TRERF1: variants seen among roughly 807,000 people sequenced by gnomAD.
TRERF1 encodes the protein transcriptional regulating factor 1.
Under a neutral mutation model 122.9 loss-of-function variants are expected in TRERF1, and 27 were observed. The observed-to-expected ratio is 0.22, with a 90% CI of 0.16 to 0.30. The LOEUF (loss-of-function observed/expected upper bound fraction) is 0.30, where lower values mean the gene tolerates loss of function less well. TRERF1 is among the 10% of genes least tolerant of loss of function. The probability of loss-of-function intolerance (pLI) is 1.00; values close to 1 mark genes in which losing one functional copy is unlikely to be tolerated. For missense variants in TRERF1, 1,248 were observed against 1,560.3 expected (o/e 0.80, Z 3.37); for synonymous variants, 636 against 641.7 (o/e 0.99, Z 0.13).
rs555273345 is a variant in TRERF1, at chr6:42,376,804, G to A, written c.-453-13725C>T. On this transcript the variant is annotated intron_variant, in intron 2 of 17. Coordinates refer to ENST00000372922, the Ensembl canonical transcript of TRERF1. ...GATTTGCCCACCTCAGCCTCCCAAAGTGCTGGGATTACAGGCGTGAGCCAC... is the reference window on the plus strand; with the variant it reads ...GATTTGCCCACCTCAGCCTCCCAAAATGCTGGGATTACAGGCGTGAGCCAC... Among the ~76,000 whole-genome samples, 5 of 151,752 alleles carry A rather than the reference G, an allele frequency of 3.3e-5. No homozygotes were observed. The South Asian group carries it at 1.0e-3, about 32-fold the overall frequency.
intron 2 of TRERF1, among the ~76,000 whole-genome samples, chr6:42,366,463 C>T (rs1257443026): frequency 6.6e-6 from 1 of 152,164 alleles, no homozygotes; most frequent in East Asian, 1.9e-4. Flanking sequence ...CAGAGTCCGG[C>T]ACCTCCTAAC....
rs893001790 is a variant in TRERF1 at position 42,269,930 on chromosome 6, A to T, written c.-258-82T>A. The T allele has an allele frequency of 3.9e-6, 1 of 256,110 alleles. No individual in the cohort carries two copies. The highest frequency in any genetic ancestry group is 2.2e-5 in the African/African-American group (1 of 44,770). 15.9% of individuals were successfully genotyped at this position (256,110 alleles called of 1,614,324 possible). ...CAATTGATATCCACCATGACCAGTG[A>T]TAAAAATAAACATATAATCCCAGCT... On this transcript the variant is annotated intron_variant, in intron 4 of 17. Coordinates refer to ENST00000372922, the Ensembl canonical transcript of TRERF1. The surrounding 1 kb of genome is among the most constrained non-coding windows in gnomAD (Gnocchi z 4.9).
chr6:42,319,146 A>G (rs1762976665), intron 3 of TRERF1, among the ~76,000 whole-genome samples: 1 of 121,070 alleles, frequency 8.3e-6, no homozygotes, highest in South Asian at 2.8e-4. Context: ...GGGACTTTTT[A>G]GACATTTTTT....
At chr6:42,356,467 T>C (rs1770572483) in intron 3 of TRERF1, among the ~76,000 whole-genome samples, 1 of 152,258 alleles carries the variant, frequency 6.6e-6, no homozygotes, top group Non-Finnish European at 1.5e-5. Context: ...CACAGCAAGA[T>C]GGCTCTCACT....
chr6:42,441,753 G>GC lies in TRERF1; in HGVS notation c.-454+9423_-454+9424insG, dbSNP rs1443315257. ...GTGTCAGGCTCTGTGCTAGAGGCCG[G>GC]GGGGTACAGAAATGAGTGATGACCC... On this transcript the variant is annotated intron_variant, in intron 2 of 17. Transcript: ENST00000372922. Among the ~76,000 whole-genome samples the GC allele has an allele frequency of 2.0e-5, 3 of 152,172 alleles. No homozygotes were observed. In the East Asian group the frequency reaches 5.8e-4, roughly 29 times the overall value.
chr6:42,434,026 CTG>C (rs1784881407), intron 2 of TRERF1, among the ~76,000 whole-genome samples: 1 of 151,910 alleles, frequency 6.6e-6, no homozygotes, highest in Non-Finnish European at 1.5e-5. Context: ...GACCCTGTCT[CTG>C]TTTTTCAAAA....
chr6:42,399,835 G>C (rs1351685628), intron 2 of TRERF1, among the ~76,000 whole-genome samples: 1 of 152,130 alleles, frequency 6.6e-6, no homozygotes, highest in African/African-American at 2.4e-5. Flanking sequence ...CTCTACCCTA[G>C]TTTCTCATTC....
intron 3 of TRERF1, among the ~76,000 whole-genome samples, chr6:42,326,985 T>A (rs1043513965): frequency 1.3e-5 from 2 of 152,132 alleles, no homozygotes; most frequent in African/African-American, 2.4e-5. Flanking sequence ...AGAAGCATAG[T>A]ATCTCTTCTA....
At chr6:42,410,889 T>C (rs1781010508) in intron 2 of TRERF1, among the ~76,000 whole-genome samples, 1 of 152,234 alleles carries the variant, frequency 6.6e-6, no homozygotes, top group Non-Finnish European at 1.5e-5. Flanking sequence ...AATTTCCTTC[T>C]TGAAATGAGC....
At chr6:42,373,312 C>T (rs954844288) in intron 2 of TRERF1, among the ~76,000 whole-genome samples, 19 of 152,218 alleles carry the variant, frequency 1.2e-4, no homozygotes, top group African/African-American at 4.6e-4. Context: ...GTGGGTGGAT[C>T]ACCTGAGGTG....
intron 3 of TRERF1, among the ~76,000 whole-genome samples, chr6:42,361,124 C>T (rs1193489056): frequency 1.3e-5 from 2 of 152,184 alleles, no homozygotes; most frequent in Admixed American, 1.3e-4. Flanking sequence ...GTGAAGCCCT[C>T]ATGAACAGGG....
At chr6:42,278,220 CT>C (rs1436622828) in intron 4 of TRERF1, among the ~76,000 whole-genome samples, 1 of 152,194 alleles carries the variant, frequency 6.6e-6, no homozygotes, top group East Asian at 1.9e-4. Flanking sequence ...GATCTGACGA[CT>C]GTTTAGGGGG....
At chr6:42,432,981 C>T (rs1056250509) in intron 2 of TRERF1, among the ~76,000 whole-genome samples, 6 of 152,048 alleles carry the variant, frequency 3.9e-5, no homozygotes, top group African/African-American at 1.5e-4. Flanking sequence ...TTAAACTAGT[C>T]CTCTGGTACA....
chr6:42,294,521 G>T (rs532234923), intron 4 of TRERF1, among the ~76,000 whole-genome samples: 1 of 152,206 alleles, frequency 6.6e-6, no homozygotes, highest in South Asian at 2.1e-4. Context: ...GGCTATGACT[G>T]GTATAATAAT....
intron 15 of TRERF1, among the ~76,000 whole-genome samples, chr6:42,242,593 C>T (rs1157213126): frequency 6.6e-6 from 1 of 152,190 alleles, no homozygotes; most frequent in Admixed American, 6.5e-5. Context: ...TGATAGTAAT[C>T]ATCAAAGCCA....
intron 3 of TRERF1, among the ~76,000 whole-genome samples, chr6:42,319,792 G>A (rs1329390812): frequency 1.4e-5 from 2 of 138,004 alleles, no homozygotes; most frequent in Non-Finnish European, 1.5e-5. Flanking sequence ...CAGCCTGGGT[G>A]ACAGAGTGAG....
intron 2 of TRERF1, among the ~76,000 whole-genome samples, chr6:42,438,609 CAA>C (rs199739271): frequency 1.9e-5 from 2 of 106,130 alleles, no homozygotes; most frequent in Admixed American, 1.0e-4. Context: ...GACTCTGTCT[CAA>C]AAAAAAAAAA....
At chr6:42,363,213 C>T (rs959874856) in intron 2 of TRERF1, 134 bp from the exon 3 acceptor site, 7 of 152,240 alleles carry the variant, frequency 4.6e-5, no homozygotes, top group Admixed American at 4.6e-4. Flanking sequence ...TGGGCCCACC[C>T]AGGACGAGGA....
intron 2 of TRERF1, among the ~76,000 whole-genome samples, chr6:42,364,895 C>A (rs572650349): frequency 2.0e-5 from 3 of 152,244 alleles, no homozygotes; most frequent in African/African-American, 7.2e-5. Flanking sequence ...CGTGAGGTCC[C>A]AGGGGCCGCA....
Sources: gnomAD v4.1 joint callset for allele counts (sites outside exome capture counted in the v4.1 genomes callset) on GRCh38, gnomAD v4.1.1 for gene constraint, Gnocchi (gnomAD v3.1) non-coding constraint, MANE v1.5 for transcripts, NCBI Gene and HGNC (gene_info 2026-07-23, HGNC 2026-07-21) for gene names.